CIMAP2: variants seen among roughly 807,000 people sequenced by gnomAD.
CIMAP2 encodes ciliary microtubule-associated protein 2.
At chr1:54,810,289 C>T in the CIMAP2 span, among the ~76,000 whole-genome samples, 12 of 152,270 alleles carry the variant, frequency 7.9e-5, no homozygotes, top group South Asian at 4.1e-4. Context: ...CTCTTTCTGG[C>T]GGTGGGACCT....
chr1:54,810,133 C>T, the CIMAP2 span, among the ~76,000 whole-genome samples: 25 of 152,300 alleles, frequency 1.6e-4, no homozygotes, highest in Non-Finnish European at 2.8e-4. Flanking sequence ...CAGGGCCATT[C>T]TCACCCTTGG....
At chr1:54,833,998 C>T in the CIMAP2 span, among the ~76,000 whole-genome samples, 7 of 152,064 alleles carry the variant, frequency 4.6e-5, no homozygotes, top group Non-Finnish European at 7.4e-5. Flanking sequence ...TCACCACAGC[C>T]GGCTAATTTT....
At chr1:54,829,269 T>C in the CIMAP2 span, among the ~76,000 whole-genome samples, 5 of 152,224 alleles carry the variant, frequency 3.3e-5, no homozygotes, top group Admixed American at 3.3e-4. Flanking sequence ...CCCTTTGTCT[T>C]CCAGACCTTA....
At chr1:54,835,912 C>A in the CIMAP2 span, among the ~76,000 whole-genome samples, 2 of 152,090 alleles carry the variant, frequency 1.3e-5, no homozygotes, top group Admixed American at 6.5e-5. Context: ...CTCTTTGAAC[C>A]CAGGAAGGCT....
the CIMAP2 span, among the ~76,000 whole-genome samples, chr1:54,824,915 T>C: frequency 6.6e-6 from 1 of 151,564 alleles, no homozygotes; most frequent in Non-Finnish European, 1.5e-5. Context: ...TGGAGAAATA[T>C]TGTATTCCTT....
the CIMAP2 span, among the ~76,000 whole-genome samples, chr1:54,826,144 C>G: frequency 6.6e-6 from 1 of 152,168 alleles, no homozygotes; most frequent in Admixed American, 6.5e-5. Flanking sequence ...CACCAGAGTT[C>G]AGGTAGGGTG....
At chr1:54,826,903 G>A in the CIMAP2 span, among the ~76,000 whole-genome samples, 1 of 152,240 alleles carries the variant, frequency 6.6e-6, no homozygotes. Context: ...GTGTGGAGGA[G>A]GCAAGTGCTT....
chr1:54,811,968 C>T, the CIMAP2 span: 29 of 1,613,996 alleles, frequency 1.8e-5, no homozygotes, highest in South Asian at 7.7e-5. Flanking sequence ...CCTGCCTTCC[C>T]GTCCTGCAGG....
At chr1:54,836,294 TGCCTGCCTGCCTGCCTGCCTGC>T in the CIMAP2 span, among the ~76,000 whole-genome samples, 10 of 176 alleles carry the variant, frequency 0.057, no homozygotes, top group Admixed American at 0.17. Context: ...CCTGCCTGCC[TGCCTGCCTGCCTGCCTGCCTGC>T]CTGCCTGCCT....
At chr1:54,809,016 A>C in the CIMAP2 span, among the ~76,000 whole-genome samples, 1 of 8,492 alleles carries the variant, frequency 1.2e-4, no homozygotes, top group Non-Finnish European at 3.7e-4. Context: ...CTGAGGGCGG[A>C]CCACGTCTGC....
chr1:54,818,419 CT>C, the CIMAP2 span, among the ~76,000 whole-genome samples: 18 of 150,710 alleles, frequency 1.2e-4, no homozygotes, highest in South Asian at 2.9e-3. Flanking sequence ...TCCATCTTAC[CT>C]TTCTGTTCTA....
At chr1:54,835,485 G>A in the CIMAP2 span, among the ~76,000 whole-genome samples, 1 of 152,114 alleles carries the variant, frequency 6.6e-6, no homozygotes, top group Non-Finnish European at 1.5e-5. Flanking sequence ...CACTGTGCCT[G>A]GCCAGACAAA....
chr1:54,824,106 C>T, the CIMAP2 span, among the ~76,000 whole-genome samples: 1 of 152,122 alleles, frequency 6.6e-6, no homozygotes, highest in Non-Finnish European at 1.5e-5. Flanking sequence ...AGTGCAGCCT[C>T]AACCTTCCAG....
At chr1:54,837,179 T>C in the CIMAP2 span, among the ~76,000 whole-genome samples, 3 of 152,162 alleles carry the variant, frequency 2.0e-5, no homozygotes, top group East Asian at 1.9e-4. Flanking sequence ...TGACAAGTCA[T>C]GTGACCTTCC....
At chr1:54,809,633 C>T in the CIMAP2 span, among the ~76,000 whole-genome samples, 2 of 152,076 alleles carry the variant, frequency 1.3e-5, no homozygotes, top group Non-Finnish European at 2.9e-5. Flanking sequence ...TTTTGAATCC[C>T]AGGTGTCCAA....
the CIMAP2 span, chr1:54,807,738 C>T: frequency 6.5e-7 from 1 of 1,538,690 alleles, no homozygotes; most frequent in Non-Finnish European, 8.7e-7. Context: ...CCAGGTCTTC[C>T]TGTCCATTGC....
At chr1:54,807,811 A>G in the CIMAP2 span, 2 of 1,512,602 alleles carry the variant, frequency 1.3e-6, no homozygotes. Context: ...TTTAAGGAAC[A>G]CCATCGTGCC....
the CIMAP2 span, among the ~76,000 whole-genome samples, chr1:54,829,706 G>A: frequency 6.6e-6 from 1 of 152,032 alleles, no homozygotes; most frequent in African/African-American, 2.4e-5. Flanking sequence ...AGTTTTAAGA[G>A]TTATTTTTTG....
chr1:54,807,872 C>G, the CIMAP2 span: 1 of 1,558,128 alleles, frequency 6.4e-7, no homozygotes, highest in Admixed American at 2.1e-5. Flanking sequence ...TTCATTTTCT[C>G]TCTTCTCTTG....
Sources: allele counts gnomAD v4.1 joint callset (sites outside exome capture counted in the v4.1 genomes callset), GRCh38; gene constraint gnomAD v4.1.1; transcripts MANE v1.5; gene names NCBI Gene and HGNC (gene_info 2026-07-23, HGNC 2026-07-21).